FANCD2: variants seen among roughly 807,000 people sequenced by gnomAD.
The protein encoded by FANCD2 is FA complementation group D2.
FANCD2 carries 131 observed loss-of-function variants against 192.3 expected under a neutral mutation model. That is an observed-to-expected ratio of 0.68 (90% confidence interval 0.59 to 0.79). The LOEUF (loss-of-function observed/expected upper bound fraction) is 0.79. FANCD2 is among the 30% of genes least tolerant of loss of function. The pLI is 0.00. For synonymous variants in FANCD2, 524 were observed against 612.5 expected, an observed-to-expected ratio of 0.86 and a Z score of 2.13; for missense variants, 1,508 against 1,701.6, an observed-to-expected ratio of 0.89 and a Z score of 2.00.
chr3:10,036,067 GA>G (rs1486448810), intron 6 of FANCD2, among the ~76,000 whole-genome samples: 1 of 127,500 alleles, frequency 7.8e-6, no homozygotes, highest in Non-Finnish European at 1.7e-5. Flanking sequence ...GCTCTAGTTG[GA>G]AAGAGAATTA....
At chr3:10,089,561 C>T (rs537311400) in intron 36 of FANCD2, among the ~76,000 whole-genome samples, 5 of 152,208 alleles carry the variant, frequency 3.3e-5, no homozygotes, top group African/African-American at 1.2e-4. Context: ...CCTCCACCTC[C>T]TGGGTTCAAA....
At chr3:10,027,339 G>C (rs1048380772) in intron 1 of FANCD2, among the ~76,000 whole-genome samples, 1 of 152,148 alleles carries the variant, frequency 6.6e-6, no homozygotes, top group African/African-American at 2.4e-5. Flanking sequence ...GATGACATTC[G>C]ATTGAATGTT....
In FANCD2 at chr3:10,074,615, CTA is replaced by C. The variant is rs751895071; in HGVS notation, c.2803_2804del (p.Ile935SerfsTer14). 1 of 1,613,596 alleles carries C rather than the reference CTA, an allele frequency of 6.2e-7. No homozygotes were observed. The highest frequency in any genetic ancestry group is 8.5e-7 in the Non-Finnish European group (1 of 1,179,726). On this transcript the variant is annotated frameshift_variant, in exon 29 of 44. Transcript: ENST00000675286. LOFTEE classifies it high-confidence loss of function. Reference sequence around the variant, plus strand: ...CGAGAGCTGGACATTGAGGTCTTCTCTATTCTACATTGTGGACTTGTGACGAA... The same window carrying C: ...CGAGAGCTGGACATTGAGGTCTTCTCTTCTACATTGTGGACTTGTGACGAA...
At chr3:10,034,305 A>G (rs557618215) in intron 3 of FANCD2, among the ~76,000 whole-genome samples, 164 bp from the exon 4 acceptor site, 81 of 150,310 alleles carry the variant, frequency 5.4e-4, no homozygotes, top group African/African-American at 1.8e-3. Context: ...AGCCTAGGCA[A>G]CAGAACAAAA....
At chr3:10,026,876 A>G (rs753781035) in intron 1 of FANCD2, among the ~76,000 whole-genome samples, 8 of 152,222 alleles carry the variant, frequency 5.3e-5, no homozygotes, top group Non-Finnish European at 1.0e-4. Context: ...TAAAAAGTTT[A>G]GCACAGGGCC....
Position 10,088,494 on chromosome 3 carries a change from A to T in FANCD2, c.3512A>T (p.Asp1171Val). ...QFLCRVWPSGDKEKSNISNDQ... is the reference protein window; with the variant it reads ...QFLCRVWPSGVKEKSNISNDQ... ...CTCTGTCGGGTGTGGCCAAGTGGGG[A>T]TAAAGAGAAGAGCAACATCTCTAAT... Residue 1171 changes from aspartate to valine, a missense_variant, in exon 35 of 44, where the codon GAT becomes GTT. Physicochemically the swap from Asp to Val is radical, Grantham distance 152 (BLOSUM62 -3). Around this residue, in one of 5 missense-constraint regions of FANCD2, gnomAD observed 796 missense variants for 879.4 expected, o/e 0.91. Transcript: ENST00000675286. The T allele has an allele frequency of 6.2e-7, 1 of 1,613,052 alleles. No individual in the cohort carries two copies. Among genetic ancestry groups the T allele is most frequent in the South Asian group, 1.1e-5 (1 of 91,054 alleles).
At chr3:10,067,758 A>G (rs1575798592) in intron 26 of FANCD2, among the ~76,000 whole-genome samples, 1 of 152,202 alleles carries the variant, frequency 6.6e-6, no homozygotes, top group Non-Finnish European at 1.5e-5. Context: ...AGATTGTGCC[A>G]CTGCACTCCA....
chr3:10,050,180 T>G (rs1171094456), intron 17 of FANCD2, among the ~76,000 whole-genome samples: 1 of 152,194 alleles, frequency 6.6e-6, no homozygotes. Context: ...GAGAGATAAC[T>G]CAGTAGGCTA....
chr3:10,069,520 T>A (rs2087818657), intron 26 of FANCD2, among the ~76,000 whole-genome samples: 1 of 122,980 alleles, frequency 8.1e-6, no homozygotes, highest in South Asian at 2.8e-4. Context: ...GAGCCAAAGC[T>A]GGACTGTACT....
At chr3:10,083,304 A>G (rs1340677914) in intron 32 of FANCD2, among the ~76,000 whole-genome samples, 3 of 152,210 alleles carry the variant, frequency 2.0e-5, no homozygotes, top group African/African-American at 7.2e-5. Context: ...TTATAAAAAC[A>G]ATTAAAATAA....
intron 30 of FANCD2, among the ~76,000 whole-genome samples, chr3:10,078,412 T>A (rs534792845): frequency 3.3e-5 from 5 of 152,194 alleles, no homozygotes; most frequent in African/African-American, 1.2e-4. Flanking sequence ...TGGAGTGCAG[T>A]GGTGTGATCT....
At chr3:10,088,661 T>C in intron 35 of FANCD2, 119 bp downstream of exon 35, 1 of 1,094,270 alleles carries the variant, frequency 9.1e-7, no homozygotes, top group South Asian at 1.3e-5. Flanking sequence ...TGAAGTAGGT[T>C]AAAAATGAAC....
intron 18 of FANCD2, 103 bp downstream of exon 18, chr3:10,052,600 C>T: frequency 2.6e-6 from 2 of 782,616 alleles, no homozygotes; most frequent in Non-Finnish European, 4.4e-6. Context: ...CTCATTGCAA[C>T]CTCTGCCTCC....
Position 10,078,151 on chromosome 3 carries a change from A to G in FANCD2, c.2930A>G (p.Glu977Gly), listed in dbSNP as rs757582716. Reference protein sequence around the residue: ...FLLEDLSQKLESMLTPPIARR... With the variant: ...FLLEDLSQKLGSMLTPPIARR... ...CTGGAAGATCTCTCCCAGAAGCTGG[A>G]GAGTATGCTGACACCTCCTATTGCC... Residue 977 changes from glutamate to glycine, a missense_variant, in exon 30 of 44, where the codon GAG becomes GGG. Glu to Gly is a moderately conservative substitution (Grantham distance 98). Around this residue, in one of 5 missense-constraint regions of FANCD2, gnomAD observed 796 missense variants for 879.4 expected, o/e 0.91. Coordinates refer to ENST00000675286, the MANE Select transcript of FANCD2 (RefSeq NM_001018115.3). 7.4e-6 allele frequency: 12 copies of G among 1,613,732 alleles called. No homozygotes were observed.
intron 1 of FANCD2, among the ~76,000 whole-genome samples, chr3:10,028,059 A>G (rs1369244838): frequency 6.6e-6 from 1 of 151,992 alleles, no homozygotes; most frequent in Non-Finnish European, 1.5e-5. Context: ...CTAAAAAAAA[A>G]AAAAAAAAAA....
At chr3:10,076,507 T>C (rs1229506218) in intron 29 of FANCD2, among the ~76,000 whole-genome samples, 1 of 152,192 alleles carries the variant, frequency 6.6e-6, no homozygotes, top group Non-Finnish European at 1.5e-5. Flanking sequence ...GCATAATAGC[T>C]ATCCTTTATA....
intron 1 of FANCD2, among the ~76,000 whole-genome samples, chr3:10,028,114 C>T (rs1301429062): frequency 6.6e-6 from 1 of 151,456 alleles, no homozygotes; most frequent in East Asian, 1.9e-4. Flanking sequence ...TTCTCTTTAC[C>T]ACCCTTACTA....
chr3:10,045,088 G>GTTTTTTTTTTTTTTTTTTTTTTTTTTT (rs76340293), intron 14 of FANCD2, among the ~76,000 whole-genome samples: 1 of 128,938 alleles, frequency 7.8e-6, no homozygotes, highest in Non-Finnish European at 1.6e-5. Flanking sequence ...CTTTTTAACT[G>GTTTTTTTTTTTTTTTTTTTTTTTTTTT]TTTTTTTTTT....
chr3:10,075,977 C>T (rs956843476), intron 29 of FANCD2, among the ~76,000 whole-genome samples: 15 of 151,698 alleles, frequency 9.9e-5, no homozygotes, highest in African/African-American at 3.4e-4. Flanking sequence ...GTGATCCGCC[C>T]GCCTTGGCCT....
Sources: allele counts gnomAD v4.1 joint callset (sites outside exome capture counted in the v4.1 genomes callset), GRCh38; gene constraint gnomAD v4.1.1; regional missense constraint gnomAD v4.1.1; transcripts MANE v1.5; gene names NCBI Gene and HGNC (gene_info 2026-07-23, HGNC 2026-07-21).